Variants in ESRP1 observed in about 807,000 individuals in gnomAD.
ESRP1 encodes the protein RNA-binding motif protein 35A.
A neutral mutation model predicts 81.7 loss-of-function variants in ESRP1; 33 were observed. That is an observed-to-expected ratio of 0.40 (90% CI 0.31 to 0.54). ESRP1 has a LOEUF of 0.54. Ranked by LOEUF, ESRP1 falls within the 20% of genes least tolerant of loss-of-function variation. The pLI is 0.41. For synonymous variants in ESRP1, 320 were observed against 303.3 expected, an observed-to-expected ratio of 1.06 and a Z score of -0.57; for missense variants, 672 against 833.1, an observed-to-expected ratio of 0.81 and a Z score of 2.38.
intron 4 of ESRP1, among the ~76,000 whole-genome samples, chr8:94,650,596 T>C (rs891755452): frequency 6.6e-6 from 1 of 152,228 alleles, no homozygotes; most frequent in Non-Finnish European, 1.5e-5. Context: ...TATCCAAACA[T>C]GGTTTGTTTA....
intron 13 of ESRP1, among the ~76,000 whole-genome samples, chr8:94,685,139 A>G (rs1809087428): frequency 6.6e-6 from 1 of 152,168 alleles, no homozygotes; most frequent in Admixed American, 6.6e-5. Flanking sequence ...AATATTAATT[A>G]GTATTACCAA....
intron 13 of ESRP1, among the ~76,000 whole-genome samples, chr8:94,685,798 C>A (rs1220187032): frequency 6.7e-6 from 1 of 150,080 alleles, no homozygotes; most frequent in African/African-American, 2.5e-5. Context: ...AAAAAAAAAA[C>A]CAACAAAAAC....
At chr8:94,694,881 G>A (rs1233408203) in intron 14 of ESRP1, among the ~76,000 whole-genome samples, 2 of 152,138 alleles carry the variant, frequency 1.3e-5, no homozygotes, top group Admixed American at 6.5e-5. Flanking sequence ...TTATGAACTG[G>A]AGCAGTGAGT....
At chr8:94,685,797 A>G (rs58422141) in intron 13 of ESRP1, among the ~76,000 whole-genome samples, 51,681 of 151,530 alleles carry the variant, frequency 0.34, 9,427 homozygotes, top group East Asian at 0.56. Flanking sequence ...AAAAAAAAAA[A>G]CCAACAAAAA....
rs1180065173 is a variant in ESRP1 at position 94,706,942 on chromosome 8, A to G, written c.*1053A>G. 1 of 152,252 alleles carries G rather than the reference A, an allele frequency of 6.6e-6. No individual in the cohort carries two copies. Among genetic ancestry groups the G allele is most frequent in the African/African-American group, 2.4e-5 (1 of 41,462 alleles). The allele number at this position is 152,252 out of a possible 1,614,324, so 9.4% of individuals were successfully genotyped here. A position where few individuals can be genotyped will look rare whatever the true frequency, so the allele number is the denominator to read the frequency against. On this transcript the variant is annotated 3_prime_UTR_variant, in exon 16 of 16. Transcript: ENST00000433389. ...GTCAGCATGCTAGACTGAGAGGTAA[A>G]CACTGATGCAATTAGAACAGGTACT...
intron 4 of ESRP1, among the ~76,000 whole-genome samples, chr8:94,648,218 C>T (rs762673540): frequency 3.3e-5 from 5 of 152,116 alleles, no homozygotes; most frequent in Non-Finnish European, 7.3e-5. Flanking sequence ...GATTGTGCCA[C>T]TACACTCCAG....
At chr8:94,641,634 AT>A in intron 1 of ESRP1, 184 bp downstream of exon 1, 1 of 851,222 alleles carries the variant, frequency 1.2e-6, no homozygotes, top group Non-Finnish European at 1.8e-6. Flanking sequence ...CCTTGGAGCC[AT>A]TTCAGTCCTC....
At chr8:94,679,951 T>C (rs1265853885) in intron 13 of ESRP1, among the ~76,000 whole-genome samples, 1 of 152,124 alleles carries the variant, frequency 6.6e-6, no homozygotes, top group Non-Finnish European at 1.5e-5. Flanking sequence ...AGAGTAAAAA[T>C]ATAATTTAAG....
chr8:94,648,949 G>A (rs181678229), intron 4 of ESRP1, among the ~76,000 whole-genome samples: 228 of 152,238 alleles, frequency 1.5e-3, no homozygotes, highest in Non-Finnish European at 2.2e-3. Flanking sequence ...GGCTGGGCAC[G>A]GTGGCTCATG....
At chr8:94,703,072 G>A (rs1397662321) in intron 15 of ESRP1, among the ~76,000 whole-genome samples, 1 of 150,622 alleles carries the variant, frequency 6.6e-6, no homozygotes, top group Non-Finnish European at 1.5e-5. Flanking sequence ...ATAGCTAAAC[G>A]GGAAGAGGAA....
rs918600050 is a variant in ESRP1, at chr8:94,641,342, G to C, written c.24G>C (p.Leu8Phe). 5 of 1,613,062 alleles carry C rather than the reference G, an allele frequency of 3.1e-6. No individual in the cohort carries two copies. The African/African-American group carries it at 5.3e-5, about 17-fold the overall frequency. MTASPDY[L>F]VVLFGITAGA... Reference sequence around the variant, plus strand: ...TCATGACGGCCTCTCCGGATTACTTGGTGGTGCTTTTTGGGATCACTGCTG... The same window carrying C: ...TCATGACGGCCTCTCCGGATTACTTCGTGGTGCTTTTTGGGATCACTGCTG... Residue 8 changes from leucine to phenylalanine, a missense_variant, in exon 1 of 16, where the codon TTG (leucine) becomes TTC (phenylalanine). Physicochemically the swap from Leu to Phe is conservative, Grantham distance 22 (BLOSUM62 0). Transcript: ENST00000433389.
Position 94,664,698 on chromosome 8 carries a change from A to T in ESRP1, c.646A>T (p.Ser216Cys). ...CCTGAAGTTTTGCTTCATCCACAGC[A>T]GCAAGATGGAACTTATTGATGATAA... ...VNYKFESGTC[S>C]KMELIDDNTV... The change falls in exon 7 of 16, where the codon AGC becomes TGC. Residue 216 changes from serine (S) to cysteine (C), a missense_variant and splice_region_variant. Ser to Cys is a moderately radical substitution (Grantham distance 112). Transcript: ENST00000433389. 1 of 1,613,218 alleles carries T rather than the reference A, an allele frequency of 6.2e-7. No homozygotes were observed. The highest frequency in any genetic ancestry group is 8.5e-7 in the Non-Finnish European group (1 of 1,179,214).
chr8:94,672,508 C>T (rs1431954858), intron 11 of ESRP1, among the ~76,000 whole-genome samples: 2 of 151,928 alleles, frequency 1.3e-5, no homozygotes, highest in Non-Finnish European at 2.9e-5. Context: ...AACCCATAAG[C>T]CAGGTGGTTG....
Position 94,681,325 on chromosome 8 carries a change from C to CAAAAAAAAAAAAAAAA in ESRP1, c.1820+2967_1820+2982dup, listed in dbSNP as rs1171703394. 1.6e-4 allele frequency among the ~76,000 whole-genome samples: 5 copies of CAAAAAAAAAAAAAAAA among 31,284 alleles called. 1 individual carries two copies. Among genetic ancestry groups the CAAAAAAAAAAAAAAAA allele is most frequent in the African/African-American group, 1.3e-4 (1 of 7,926 alleles). The allele number at this position is 31,284 out of a possible 152,430, so 20.5% of individuals were successfully genotyped here. ...TGGGTGACAGAGCAAGACTCCATCT[C>CAAAAAAAAAAAAAAAA]AAAAAAAAAAAAAAAAAAAAAAAAA... On this transcript the variant is annotated intron_variant, in intron 13 of 15. Coordinates refer to ENST00000433389, the MANE Select transcript of ESRP1 (RefSeq NM_017697.4).
At chr8:94,683,771 T>A (rs1185459559) in intron 13 of ESRP1, among the ~76,000 whole-genome samples, 1 of 152,184 alleles carries the variant, frequency 6.6e-6, no homozygotes, top group Non-Finnish European at 1.5e-5. Flanking sequence ...TCAGGTTTTT[T>A]AGTTTGGATT....
chr8:94,691,008 T>A (rs1262644574), intron 13 of ESRP1, among the ~76,000 whole-genome samples: 1 of 152,214 alleles, frequency 6.6e-6, no homozygotes, highest in African/African-American at 2.4e-5. Flanking sequence ...GTTGAGAAAT[T>A]ATCTAACTCT....
intron 13 of ESRP1, chr8:94,688,604 C>A: frequency 4.6e-6 from 1 of 215,834 alleles, no homozygotes; most frequent in South Asian, 7.0e-5. Flanking sequence ...CCCTGGGATT[C>A]ATGTTCTTGG....
At chr8:94,681,149 C>A (rs963623640) in intron 13 of ESRP1, among the ~76,000 whole-genome samples, 1 of 150,328 alleles carries the variant, frequency 6.7e-6, no homozygotes, top group Non-Finnish European at 1.5e-5. Flanking sequence ...CATGGTGAAA[C>A]CCCGTCTCTA....
At chr8:94,645,139 T>C (rs1392911535) in intron 3 of ESRP1, among the ~76,000 whole-genome samples, 2 of 152,178 alleles carry the variant, frequency 1.3e-5, no homozygotes, top group African/African-American at 4.8e-5. Context: ...CATGGTTCTT[T>C]TGGTTGTTAA....
Sources: gnomAD v4.1 joint callset for allele counts (sites outside exome capture counted in the v4.1 genomes callset) on GRCh38, gnomAD v4.1.1 for gene constraint, MANE v1.5 for transcripts, NCBI Gene and HGNC (gene_info 2026-07-23, HGNC 2026-07-21) for gene names.